CMTR2: variants seen among roughly 807,000 people sequenced by gnomAD.
CMTR2 encodes the protein cap-specific mRNA (nucleoside-2'-O-)-methyltransferase 2.
A neutral mutation model predicts 49.8 loss-of-function variants in CMTR2; 40 were observed. That is an observed-to-expected ratio of 0.80 (90% CI 0.62 to 1.04). The LOEUF (loss-of-function observed/expected upper bound fraction) is 1.04, where lower values mean the gene tolerates loss of function less well. Among genes scored for constraint, CMTR2 ranks in the 50% least tolerant of loss-of-function variants. CMTR2 has a pLI of 0.00. For synonymous variants in CMTR2, 326 were observed against 315.8 expected (o/e 1.03, Z -0.34); for missense variants, 907 against 897.2 (o/e 1.01, Z -0.14).
intron 2 of CMTR2, 135 bp from the exon 3 acceptor site, chr16:71,286,074 C>T (rs2041721812): frequency 3.3e-6 from 2 of 599,862 alleles, no homozygotes; most frequent in Non-Finnish European, 5.4e-6. Context: ...TGTTATTTAA[C>T]CAAGTAATCT....
rs1383936610 is a variant in CMTR2 at position 71,284,934 on chromosome 16, C to T, written c.987G>A (p.Leu329=). The part of the protein sequence containing the change: ...HYKGREAIHP[L]LSKMTLNFGT... Reference sequence around the variant, plus strand: ...CAAAATTCAAGGTCATCTTAGATAACAGAGGATGGATGGCCTCTCTCCCCT... The same window carrying T: ...CAAAATTCAAGGTCATCTTAGATAATAGAGGATGGATGGCCTCTCTCCCCT... Residue 329 remains leucine, a synonymous_variant, in exon 3 of 3, where the codon CTG becomes CTA. Transcript: ENST00000434935. 1.2e-6 allele frequency: 2 copies of T among 1,614,148 alleles called. No homozygotes were observed. The highest frequency in any genetic ancestry group is 1.7e-6 in the Non-Finnish European group (2 of 1,180,000).
At position 71,285,262 on chromosome 16, in the gene CMTR2, T is replaced by C. The variant is rs1214342099; in HGVS notation, c.659A>G (p.Gln220Arg). 2 of 1,614,162 alleles carry C rather than the reference T, an allele frequency of 1.2e-6. No homozygotes were observed. Among genetic ancestry groups the C allele is most frequent in the Non-Finnish European group, 1.7e-6 (2 of 1,179,986 alleles). Residue 220 changes from glutamine to arginine, a missense_variant, in exon 3 of 3, where the codon CAG (glutamine) becomes CGG (arginine). Transcript: ENST00000434935. ...IMTLKFLTGL[Q>R]NFISSMATVH... ...AGTAGCCATGCTGCTTATGAAATTC[T>C]GAAGTCCAGTCAAGAATTTCAGGGT...
At position 71,283,921 on chromosome 16, in the gene CMTR2, C is replaced by T. The variant is rs1212899443; in HGVS notation, c.2000G>A (p.Arg667Lys). The change falls in exon 3 of 3, where the codon AGA becomes AAA. Residue 667 changes from arginine to lysine, a missense_variant. By Grantham distance (26) the Arg-to-Lys change is conservative (BLOSUM62 2). Transcript: ENST00000434935. Reference sequence around the variant, plus strand: ...TGTGGGACAAACAAAAGTGATGAATCTAAAACAACTGTGGAGTACAAAGAT... The same window carrying T: ...TGTGGGACAAACAAAAGTGATGAATTTAAAACAACTGTGGAGTACAAAGAT... ...GLIFVLHSCFRFITFVCPTSS... is the reference protein window; with the variant it reads ...GLIFVLHSCFKFITFVCPTSS... 7.4e-6 allele frequency: 12 copies of T among 1,613,926 alleles called. No homozygotes were observed. Among genetic ancestry groups the T allele is most frequent in the Non-Finnish European group, 1.0e-5 (12 of 1,179,956 alleles).
chr16:71,286,019 T>A, intron 2 of CMTR2, 80 bp from the exon 3 acceptor site: 1 of 1,035,164 alleles, frequency 9.7e-7, no homozygotes. Context: ...ACGATCACAC[T>A]CATGACAAAC....
chr16:71,282,315 C>A lies in CMTR2; in HGVS notation c.*1293G>T, dbSNP rs2041623708. On this transcript the variant is annotated 3_prime_UTR_variant, in exon 3 of 3. Transcript: ENST00000434935. ...GAACACAAAATCTCTCTAGTAATGA[C>A]TTTATTCATGAATCTATAATGGAAT... The A allele has an allele frequency of 6.6e-6, 1 of 151,966 alleles. No individual in the cohort carries two copies. The highest frequency in any genetic ancestry group is 2.4e-5 in the African/African-American group (1 of 41,404). 9.4% of individuals were successfully genotyped at this position (151,966 alleles called of 1,614,324 possible). A position where few individuals can be genotyped will look rare whatever the true frequency, so the allele number is the denominator to read the frequency against.
chr16:71,282,349 G>A lies in CMTR2; in HGVS notation c.*1259C>T, dbSNP rs750926558. The stretch of plus-strand genomic sequence containing the variant: ...TGAATCTATAATGGAATTCAAAATA[G>A]CAAAGAACATGAAAATGTTCAGATT... On this transcript the variant is annotated 3_prime_UTR_variant, in exon 3 of 3. Transcript: ENST00000434935. The A allele has an allele frequency of 4.6e-5, 7 of 151,770 alleles. No homozygotes were observed. The highest frequency in any genetic ancestry group is 7.4e-5 in the Non-Finnish European group (5 of 67,870). 9.4% of individuals were successfully genotyped at this position (151,770 alleles called of 1,614,324 possible).
intron 2 of CMTR2, chr16:71,287,265 G>A (rs540618793): frequency 6.6e-6 from 1 of 152,150 alleles, no homozygotes; most frequent in African/African-American, 2.4e-5. Flanking sequence ...ATAATATTCA[G>A]ATGATGTTTC....
In CMTR2 at chr16:71,285,739, T is replaced by C. The variant is rs772025244; in HGVS notation, c.182A>G (p.Asn61Ser). ...EIFTCDHTEL[N>S]AFLDLKNSLN... ...GGAGTTCTTCAAATCAAGAAATGCA[T>C]TAAGTTCAGTGTGGTCACAGGTGAA... The change falls in exon 3 of 3, where the codon AAT (asparagine) becomes AGT (serine). Residue 61 changes from asparagine to serine, a missense_variant. Transcript: ENST00000434935. The C allele has an allele frequency of 2.1e-5, 34 of 1,613,652 alleles. No homozygotes were observed. The highest frequency in any genetic ancestry group is 2.8e-5 in the Non-Finnish European group (33 of 1,179,812).
In CMTR2 at chr16:71,285,068, T is replaced by A. The variant is rs1479913202; in HGVS notation, c.853A>T (p.Ile285Leu). The part of the protein sequence containing the change: ...KMFTMFEHCS[I>L]NLMYLLNCCF... The stretch of plus-strand genomic sequence containing the variant: ...CAGTTTAGCAGGTACATCAAGTTTA[T>A]GGAACAATGTTCAAACATAGTAAAC... Residue 285 changes from isoleucine to leucine, a missense_variant, in exon 3 of 3, where the codon ATA becomes TTA. Ile to Leu is a conservative substitution (Grantham distance 5). Transcript: ENST00000434935. 1 of 1,614,112 alleles carries A rather than the reference T, an allele frequency of 6.2e-7. No homozygotes were observed.
rs2041627954 is a variant in CMTR2 at position 71,282,561 on chromosome 16, C to T, written c.*1047G>A. On this transcript the variant is annotated 3_prime_UTR_variant, in exon 3 of 3. Coordinates refer to ENST00000434935, the MANE Select transcript of CMTR2 (RefSeq NM_018348.6). ...ACAGAAGAAATAAAATAACTCATTA[C>T]ATTGCAGATACAAAAGAAATCAAAT... The T allele has an allele frequency of 6.6e-6, 1 of 152,056 alleles. No individual in the cohort carries two copies. Among genetic ancestry groups the T allele is most frequent in the Non-Finnish European group, 1.5e-5 (1 of 67,958 alleles). 9.4% of individuals were successfully genotyped at this position (152,056 alleles called of 1,614,324 possible).
rs770027391 is a variant in CMTR2, at chr16:71,285,180, T to C, written c.741A>G (p.Gln247=). 1 of 1,614,202 alleles carries C rather than the reference T, an allele frequency of 6.2e-7. No individual in the cohort carries two copies. The highest frequency in any genetic ancestry group is 1.1e-5 in the South Asian group (1 of 91,088). ...SFDCQGNPGE[Q]EALVSSLHYC... Reference sequence around the variant, plus strand: ...AATGCAAAGAAGAAACTAAAGCTTCTTGTTCACCTGGGTTTCCTTGGCAAT... The same window carrying C: ...AATGCAAAGAAGAAACTAAAGCTTCCTGTTCACCTGGGTTTCCTTGGCAAT... Residue 247 remains glutamine, a synonymous_variant, in exon 3 of 3, where the codon CAA becomes CAG. Coordinates refer to ENST00000434935, the MANE Select transcript of CMTR2 (RefSeq NM_018348.6).
At position 71,281,678 on chromosome 16, in the gene CMTR2, G is replaced by A. The variant is rs2041613509; in HGVS notation, c.*1930C>T. ...GCAATTTGAATCCAATGAATCAGAT[G>A]AGCAATTGATTCCAAAACCCACGTT... On this transcript the variant is annotated 3_prime_UTR_variant, in exon 3 of 3. Coordinates refer to ENST00000434935, the MANE Select transcript of CMTR2 (RefSeq NM_018348.6). The A allele has an allele frequency of 1.3e-5, 2 of 152,000 alleles. No homozygotes were observed. The highest frequency in any genetic ancestry group is 2.4e-5 in the African/African-American group (1 of 41,526). The allele number at this position is 152,000 out of a possible 1,614,324, so 9.4% of individuals were successfully genotyped here.
chr16:71,284,005 G>T lies in CMTR2; in HGVS notation c.1916C>A (p.Thr639Lys). 5 of 1,613,874 alleles carry T rather than the reference G, an allele frequency of 3.1e-6. No individual in the cohort carries two copies. Among genetic ancestry groups the T allele is most frequent in the Non-Finnish European group, 4.2e-6 (5 of 1,179,788 alleles). ...CLLHSLRELH[T>K]GDVMILPVLS... ...TACAGGCAAAATCATAACATCTCCT[G>T]TATGAAGCTCCCGCAATGAATGTAG... The change falls in exon 3 of 3, where the codon ACA (threonine) becomes AAA (lysine). Residue 639 changes from threonine to lysine, a missense_variant. Transcript: ENST00000434935.
Position 71,283,530 on chromosome 16 carries a change from T to A in CMTR2, c.*78A>T. On this transcript the variant is annotated 3_prime_UTR_variant, in exon 3 of 3. Transcript: ENST00000434935. ...GCCTTTCCCCAAAATAAAAGGTTTT[T>A]AAATTAATAGAGCAACAGGATGCAA... 1 of 1,487,984 alleles carries A rather than the reference T, an allele frequency of 6.7e-7. No individual in the cohort carries two copies. The highest frequency in any genetic ancestry group is 9.0e-7 in the Non-Finnish European group (1 of 1,116,014). The allele number at this position is 1,487,984 out of a possible 1,614,324, so 92.2% of individuals were successfully genotyped here.
chr16:71,285,078 T>C lies in CMTR2; in HGVS notation c.843A>G (p.Glu281=). Residue 281 remains glutamate, a synonymous_variant, in exon 3 of 3, where the codon GAA becomes GAG. Transcript: ENST00000434935. ...SFVLKMFTMF[E]HCSINLMYLL... ...GGTACATCAAGTTTATGGAACAATG[T>C]TCAAACATAGTAAACATCTTTAGAA... 1 of 1,614,082 alleles carries C rather than the reference T, an allele frequency of 6.2e-7. No homozygotes were observed. The highest frequency in any genetic ancestry group is 8.5e-7 in the Non-Finnish European group (1 of 1,179,952).
Position 71,285,086 on chromosome 16 carries a change from T to C in CMTR2, c.835A>G (p.Met279Val), listed in dbSNP as rs1268193064. 26 of 1,613,984 alleles carry C rather than the reference T, an allele frequency of 1.6e-5. No individual in the cohort carries two copies. The highest frequency in any genetic ancestry group is 1.6e-4 in the Middle Eastern group (1 of 6,062). The change falls in exon 3 of 3, where the codon ATG becomes GTG. Residue 279 changes from methionine (M) to valine (V), a missense_variant. Physicochemically the swap from Met to Val is conservative, Grantham distance 21. Coordinates refer to ENST00000434935, the MANE Select transcript of CMTR2 (RefSeq NM_018348.6). ...GGSFVLKMFT[M>V]FEHCSINLMY... ...AAGTTTATGGAACAATGTTCAAACA[T>C]AGTAAACATCTTTAGAACAAAAGAG...
At chr16:71,286,023 G>A in intron 2 of CMTR2, 84 bp from the exon 3 acceptor site, 1 of 976,330 alleles carries the variant, frequency 1.0e-6, no homozygotes, top group East Asian at 2.7e-5. Context: ...TCACACTCAT[G>A]ACAAACTCCA....
In CMTR2 at chr16:71,282,277, A is replaced by G. The variant is rs1305023279; in HGVS notation, c.*1331T>C. On this transcript the variant is annotated 3_prime_UTR_variant, in exon 3 of 3. Transcript: ENST00000434935. ...TATTTTTAACTTCTCCCATAATTCC[A>G]TTTAAAAAAGATGAACACAAAATCT... is the stretch of plus-strand genomic sequence containing the variant. The G allele has an allele frequency of 6.6e-6, 1 of 152,092 alleles. No homozygotes were observed. Among genetic ancestry groups the G allele is most frequent in the Non-Finnish European group, 1.5e-5 (1 of 67,942 alleles). 9.4% of individuals were successfully genotyped at this position (152,092 alleles called of 1,614,324 possible). A position where few individuals can be genotyped will look rare whatever the true frequency, so the allele number is the denominator to read the frequency against.
chr16:71,286,285 T>C lies in CMTR2; in HGVS notation c.-19-346A>G, dbSNP rs566408627. Among the ~76,000 whole-genome samples, 4 of 152,066 alleles carry C rather than the reference T, an allele frequency of 2.6e-5. No homozygotes were observed. The East Asian group carries it at 5.8e-4, about 22-fold the overall frequency. ...ACATATAACAAAGCATAATCATCAGTGAATGACAGCTCTGATTATCATAGT... is the reference window on the plus strand; with the variant it reads ...ACATATAACAAAGCATAATCATCAGCGAATGACAGCTCTGATTATCATAGT... On this transcript the variant is annotated intron_variant, in intron 2 of 2. Coordinates refer to ENST00000434935, the MANE Select transcript of CMTR2 (RefSeq NM_018348.6).
Sources: gnomAD v4.1 joint callset for allele counts (sites outside exome capture counted in the v4.1 genomes callset) on GRCh38, gnomAD v4.1.1 for gene constraint, MANE v1.5 for transcripts, NCBI Gene and HGNC (gene_info 2026-07-23, HGNC 2026-07-21) for gene names.